The following TCF3 variants were observed in gnomAD, a reference collection of about 807,000 sequenced individuals.
TCF3 encodes transcription factor E2-alpha.
A neutral mutation model predicts 72.3 loss-of-function variants in TCF3; 54 were observed. That is an observed-to-expected ratio of 0.75 (90% CI 0.60 to 0.94). The LOEUF is 0.94. Among genes scored for constraint, TCF3 ranks in the 40% least tolerant of loss-of-function variants. The pLI is 0.00. For missense variants in TCF3, 1,078 were observed against 934.4 expected (o/e 1.15, Z -2.00); for synonymous variants, 525 against 412.6 (o/e 1.27, Z -3.30).
chr19:1,630,182 T>C (rs1180360165), intron 5 of TCF3, among the ~76,000 whole-genome samples: 1 of 151,916 alleles, frequency 6.6e-6, no homozygotes, highest in Non-Finnish European at 1.5e-5. Context: ...ATCGGGGGTA[T>C]GAGGAAGAGG....
At chr19:1,623,677 C>G (rs1251853349) in intron 8 of TCF3, among the ~76,000 whole-genome samples, 1 of 152,202 alleles carries the variant, frequency 6.6e-6, no homozygotes, top group Non-Finnish European at 1.5e-5. Context: ...AGCCACCACA[C>G]CCAGCACAAT....
intron 3 of TCF3, among the ~76,000 whole-genome samples, chr19:1,633,681 G>C (rs961824613): frequency 4.6e-5 from 7 of 152,158 alleles, no homozygotes; most frequent in Non-Finnish European, 7.4e-5. Context: ...GATTATGAGT[G>C]GGGGGCTGGG....
rs1022246871 is a variant in TCF3 at position 1,652,573 on chromosome 19, C to G, written c.-313G>C. On this transcript the variant is annotated 5_prime_UTR_variant, in exon 1 of 19. Transcript: ENST00000262965. ...CGGCTCCGGCCCGCTACGCCCGCAG[C>G]CGCCGCCGCTGCCTCATCTTCCTGC... The G allele has an allele frequency of 6.8e-6, 1 of 147,056 alleles. No homozygotes were observed. The highest frequency in any genetic ancestry group is 2.0e-4 in the South Asian group (1 of 5,128). The allele number at this position is 147,056 out of a possible 1,614,324, so 9.1% of individuals were successfully genotyped here. A position where few individuals can be genotyped will look rare whatever the true frequency, so the allele number is the denominator to read the frequency against.
intron 16 of TCF3, among the ~76,000 whole-genome samples, chr19:1,617,658 C>T (rs2061690564): frequency 6.6e-6 from 1 of 152,240 alleles, no homozygotes; most frequent in African/African-American, 2.4e-5. Context: ...CCAACGCCAG[C>T]CACCAGGACC....
At chr19:1,643,597 C>T (rs2065648645) in intron 3 of TCF3, among the ~76,000 whole-genome samples, 3 of 151,946 alleles carry the variant, frequency 2.0e-5, no homozygotes. Flanking sequence ...CTCACTGCAG[C>T]CTTGACCTCC....
chr19:1,619,147 G>C lies in TCF3; in HGVS notation c.1414C>G (p.Leu472Val). The change falls in exon 16 of 19, where the codon CTC becomes GTC. Residue 472 changes from leucine (L) to valine (V), a missense_variant. By Grantham distance (32) the Leu-to-Val change is conservative. Transcript: ENST00000262965. ...TCGGGAGGCCGAGACAGGTCAGGGAGGGTGCCTGGCTGGCTGGGGAGGGCC... is the reference window on the plus strand; with the variant it reads ...TCGGGAGGCCGAGACAGGTCAGGGACGGTGCCTGGCTGGCTGGGGAGGGCC... ...HAALPSQPGT[L>V]PDLSRPPDSY... 2 of 1,600,130 alleles carry C rather than the reference G, an allele frequency of 1.2e-6. No individual in the cohort carries two copies. Among genetic ancestry groups the C allele is most frequent in the Non-Finnish European group, 1.7e-6 (2 of 1,179,772 alleles).
At position 1,652,464 on chromosome 19, in the gene TCF3, G is replaced by A. The variant is rs2067278430; in HGVS notation, c.-204C>T. 1 of 137,072 alleles carries A rather than the reference G, an allele frequency of 7.3e-6. No individual in the cohort carries two copies. Among genetic ancestry groups the A allele is most frequent in the African/African-American group, 2.6e-5 (1 of 38,218 alleles). 8.5% of individuals were successfully genotyped at this position (137,072 alleles called of 1,614,324 possible). A position where few individuals can be genotyped will look rare whatever the true frequency, so the allele number is the denominator to read the frequency against. On this transcript the variant is annotated 5_prime_UTR_variant, in exon 1 of 19. It adds an upstream start codon to the 5' untranslated region. Coordinates refer to ENST00000262965, the MANE Select transcript of TCF3 (RefSeq NM_003200.5). ...GGCCCCTCCCACCCCCGCGTGGCCC[G>A]TCCCGCGGGGCCCGTGCGCGCGGCC...
intron 13 of TCF3, among the ~76,000 whole-genome samples, 164 bp from the exon 14 acceptor site, chr19:1,620,017 C>T (rs1044474864): frequency 1.3e-5 from 2 of 152,164 alleles, no homozygotes; most frequent in South Asian, 2.1e-4. Flanking sequence ...TGCTCGGCCC[C>T]GCCAGGCAGG....
chr19:1,630,366 AC>A (rs1234727892), intron 5 of TCF3, among the ~76,000 whole-genome samples: 2 of 152,052 alleles, frequency 1.3e-5, no homozygotes, highest in Admixed American at 6.5e-5. Flanking sequence ...TTCGCTTCCT[AC>A]TCAGGACACC....
intron 7 of TCF3, among the ~76,000 whole-genome samples, chr19:1,624,679 G>A (rs533401747): frequency 3.9e-5 from 6 of 152,286 alleles, no homozygotes; most frequent in South Asian, 2.1e-4. Context: ...GCACTCAGGC[G>A]CCTTCCTGAT....
intron 3 of TCF3, among the ~76,000 whole-genome samples, chr19:1,636,866 G>A (rs1431809590): frequency 6.6e-6 from 1 of 152,178 alleles, no homozygotes; most frequent in Non-Finnish European, 1.5e-5. Flanking sequence ...GCGATGGGGG[G>A]TGGGACAGCA....
intron 16 of TCF3, 110 bp downstream of exon 16, chr19:1,619,001 C>T (rs1375553154): frequency 2.6e-6 from 4 of 1,525,970 alleles, no homozygotes; most frequent in African/African-American, 1.4e-5. Context: ...TCACCAGGTG[C>T]CCCCACGGTG....
At chr19:1,613,129 G>A (rs2061206727) in intron 18 of TCF3, among the ~76,000 whole-genome samples, 2 of 151,978 alleles carry the variant, frequency 1.3e-5, no homozygotes, top group Non-Finnish European at 2.9e-5. Context: ...GTGTTGGTGT[G>A]GGCAGCAGTA....
chr19:1,622,230 A>G lies in TCF3; in HGVS notation c.653-7T>C. 1 of 1,539,294 alleles carries G rather than the reference A, an allele frequency of 6.5e-7. No individual in the cohort carries two copies. Among genetic ancestry groups the G allele is most frequent in the Non-Finnish European group, 8.7e-7 (1 of 1,143,054 alleles). The stretch of plus-strand genomic sequence containing the variant: ...GAGGGGTGCAGGCTGCCATCTGTGG[A>G]GGGGAGCTGGTAAGGTGGGGGCCGA... On this transcript the variant is annotated splice_region_variant and splice_polypyrimidine_tract_variant and intron_variant, in intron 9 of 18. Coordinates refer to ENST00000262965, the MANE Select transcript of TCF3 (RefSeq NM_003200.5).
At chr19:1,637,084 C>T (rs1004049200) in intron 3 of TCF3, among the ~76,000 whole-genome samples, 33 of 151,984 alleles carry the variant, frequency 2.2e-4, no homozygotes, top group African/African-American at 7.5e-4. Context: ...TCCACCAGCA[C>T]GGGGGACAAC....
In TCF3 at chr19:1,615,475, G is replaced by A. The variant is rs777604126; in HGVS notation, c.1632C>T (p.Ala544=). 22 of 1,611,770 alleles carry A rather than the reference G, an allele frequency of 1.4e-5. 1 individual carries two copies. Among genetic ancestry groups the A allele is most frequent in the South Asian group, 1.1e-4 (10 of 91,070 alleles). ...CCACCCGGCGCTCCTTCTCCCGCTC[G>A]GCCTTCTGCTCTGGGGGGAGAAGGT... ...EDDLLPPEQK[A]EREKERRVAN... is the part of the protein sequence containing the mutation. Residue 544 remains alanine (A), a synonymous_variant, in exon 18 of 19, where the codon GCC becomes GCT. Coordinates refer to ENST00000262965, the MANE Select transcript of TCF3 (RefSeq NM_003200.5). The surrounding 1 kb of genome is among the most constrained non-coding windows in gnomAD (Gnocchi z 7.3).
At chr19:1,651,932 G>A (rs1329182557) in intron 1 of TCF3, among the ~76,000 whole-genome samples, 2 of 149,778 alleles carry the variant, frequency 1.3e-5, no homozygotes, top group Non-Finnish European at 3.0e-5. Flanking sequence ...CCCTCTACCC[G>A]AGAAAGGGGG....
intron 16 of TCF3, among the ~76,000 whole-genome samples, chr19:1,618,040 C>T (rs1237895472): frequency 6.6e-6 from 1 of 152,122 alleles, no homozygotes; most frequent in Non-Finnish European, 1.5e-5. Context: ...CAGGACAGCG[C>T]CCACAATGAC....
In TCF3 at chr19:1,611,117, G is replaced by A; in HGVS notation, c.*590C>T. On this transcript the variant is annotated 3_prime_UTR_variant, in exon 19 of 19. Transcript: ENST00000262965. ...GCAAAAAAAGCTTAAAAAAACCAGA[G>A]ACCAAAGGCAGCATCCTTGCTAATT... The A allele has an allele frequency of 4.3e-6, 1 of 233,258 alleles. No homozygotes were observed. The highest frequency in any genetic ancestry group is 8.4e-6 in the Non-Finnish European group (1 of 118,506). 14.4% of individuals were successfully genotyped at this position (233,258 alleles called of 1,614,324 possible). A position where few individuals can be genotyped will look rare whatever the true frequency, so the allele number is the denominator to read the frequency against.
Sources: allele counts gnomAD v4.1 joint callset (sites outside exome capture counted in the v4.1 genomes callset), GRCh38; gene constraint gnomAD v4.1.1; non-coding constraint Gnocchi (gnomAD v3.1); transcripts MANE v1.5; gene names NCBI Gene and HGNC (gene_info 2026-07-23, HGNC 2026-07-21).